RAB28: variants seen among roughly 807,000 people sequenced by gnomAD.
RAB28 encodes ras-related protein Rab-28.
A neutral mutation model predicts 31.7 loss-of-function variants in RAB28; 24 were observed. That is an observed-to-expected ratio of 0.76 (90% confidence interval 0.55 to 1.06). The LOEUF (loss-of-function observed/expected upper bound fraction) is 1.06. RAB28 is among the 50% of genes least tolerant of loss of function. RAB28 has a pLI of 0.00. For missense variants in RAB28, 254 were observed against 258.5 expected (o/e 0.98, Z 0.12); for synonymous variants, 100 against 90.4 (o/e 1.11, Z -0.60).
At chr4:13,448,355 C>T (rs779355885) in intron 4 of RAB28, among the ~76,000 whole-genome samples, 3 of 151,902 alleles carry the variant, frequency 2.0e-5, no homozygotes, top group Non-Finnish European at 4.4e-5. Context: ...CTTTTATTAG[C>T]ATTTAATAAA....
At chr4:13,437,850 T>C (rs182980774) in intron 4 of RAB28, among the ~76,000 whole-genome samples, 128 of 152,290 alleles carry the variant, frequency 8.4e-4, no homozygotes, top group African/African-American at 2.8e-3. Context: ...CTACTGACTA[T>C]CTACACAAAG....
At chr4:13,374,161 T>C (rs528603861) in intron 6 of RAB28, among the ~76,000 whole-genome samples, 1 of 152,208 alleles carries the variant, frequency 6.6e-6, no homozygotes, top group East Asian at 1.9e-4. Flanking sequence ...GACAAACATA[T>C]AGAAGAGTGC....
At chr4:13,473,857 C>A in intron 3 of RAB28, 1 of 367,948 alleles carries the variant, frequency 2.7e-6, no homozygotes, top group South Asian at 2.0e-5. Context: ...ATAGAAAATA[C>A]AGACATGTCT....
At chr4:13,391,456 G>T (rs1466954629) in intron 4 of RAB28, among the ~76,000 whole-genome samples, 1 of 152,178 alleles carries the variant, frequency 6.6e-6, no homozygotes, top group Non-Finnish European at 1.5e-5. Flanking sequence ...CGCTGTTGGT[G>T]GGAATGCAAA....
intron 4 of RAB28, among the ~76,000 whole-genome samples, chr4:13,407,657 A>C (rs1389447685): frequency 6.6e-6 from 1 of 152,112 alleles, no homozygotes; most frequent in Non-Finnish European, 1.5e-5. Flanking sequence ...ATGTTTTTCC[A>C]TTTGTTTGTG....
chr4:13,390,799 T>C (rs1033202259), intron 4 of RAB28, among the ~76,000 whole-genome samples: 5 of 152,088 alleles, frequency 3.3e-5, no homozygotes, highest in African/African-American at 7.2e-5. Context: ...AAACAAGCAA[T>C]GGGGAAAGGA....
rs186246850 is a variant in RAB28, at chr4:13,464,365, A to T, written c.262-3537T>A. 3.3e-5 allele frequency among the ~76,000 whole-genome samples: 5 copies of T among 152,230 alleles called. No homozygotes were observed. In the East Asian group the frequency reaches 9.7e-4, roughly 29 times the overall value. ...CTGCAGAATAAATGGCTTAATCAGA[A>T]CATTGTATTCCATCTGGAAAGGGAA... On this transcript the variant is annotated intron_variant, in intron 3 of 6. Coordinates refer to ENST00000330852, the MANE Select transcript of RAB28 (RefSeq NM_001017979.3).
chr4:13,479,078 C>G (rs757384362), intron 2 of RAB28, among the ~76,000 whole-genome samples: 14 of 151,724 alleles, frequency 9.2e-5, no homozygotes, highest in Non-Finnish European at 2.1e-4. Context: ...AAAAAATAAT[C>G]CTTCCCAATC....
At chr4:13,461,358 G>A (rs9291613) in intron 3 of RAB28, among the ~76,000 whole-genome samples, 2,553 of 152,256 alleles carry the variant, frequency 0.017, 68 homozygotes, top group African/African-American at 0.058. Flanking sequence ...TGCATTTGGA[G>A]AACTTGAGAG....
intron 2 of RAB28, among the ~76,000 whole-genome samples, chr4:13,477,491 A>G (rs1326327903): frequency 6.6e-6 from 1 of 151,632 alleles, no homozygotes; most frequent in African/African-American, 2.4e-5. Flanking sequence ...TGTACATTAA[A>G]GTATATAAAG....
At chr4:13,437,340 C>A (rs1371096097) in intron 4 of RAB28, among the ~76,000 whole-genome samples, 1 of 151,980 alleles carries the variant, frequency 6.6e-6, no homozygotes, top group African/African-American at 2.4e-5. Context: ...AAAGCAAGTG[C>A]AACAAAAACA....
intron 4 of RAB28, among the ~76,000 whole-genome samples, chr4:13,419,280 G>T (rs568961584): frequency 4.3e-4 from 66 of 152,114 alleles, no homozygotes; most frequent in Non-Finnish European, 7.8e-4. Context: ...AAGAGACTTA[G>T]ACTACCACAC....
chr4:13,459,978 T>C (rs1389325849), intron 4 of RAB28: 17 of 1,152,406 alleles, frequency 1.5e-5, no homozygotes, highest in Middle Eastern at 2.2e-4. Flanking sequence ...TTCACAGGAA[T>C]TGACCAAAGC....
At chr4:13,456,481 GCTT>G in intron 4 of RAB28, among the ~76,000 whole-genome samples, 1 of 152,144 alleles carries the variant, frequency 6.6e-6, no homozygotes, top group East Asian at 1.9e-4. Flanking sequence ...CTTTAAATCA[GCTT>G]TATCCAACAT....
chr4:13,442,731 C>T (rs73231505), intron 4 of RAB28, among the ~76,000 whole-genome samples: 2,087 of 152,160 alleles, frequency 0.014, 23 homozygotes, highest in Middle Eastern at 0.041. Flanking sequence ...ACATATAGCA[C>T]TATTATATAA....
intron 4 of RAB28, among the ~76,000 whole-genome samples, chr4:13,392,890 A>G (rs16888627): frequency 0.094 from 14,271 of 152,218 alleles, 1,318 homozygotes; most frequent in African/African-American, 0.24. Flanking sequence ...TATAAAATGA[A>G]AACAATAACA....
Position 13,471,571 on chromosome 4 carries a change from A to C in RAB28, c.261+2747T>G, listed in dbSNP as rs115870100. Among the ~76,000 whole-genome samples the C allele has an allele frequency of 4.9e-3, 752 of 151,976 alleles. 3 individuals carry two copies. Among genetic ancestry groups the C allele is most frequent in the African/African-American group, 0.017 (715 of 41,464 alleles). On this transcript the variant is annotated intron_variant, in intron 3 of 6. Coordinates refer to ENST00000330852, the MANE Select transcript of RAB28 (RefSeq NM_001017979.3). ...GGCTGGAGTAAAGTGGCATGATCAT[A>C]GCTCACTCCAGCCCCAAACTCCTGG... is the stretch of plus-strand genomic sequence containing the variant.
At chr4:13,371,252 T>C in intron 6 of RAB28, 8 of 985,384 alleles carry the variant, frequency 8.1e-6, no homozygotes, top group Non-Finnish European at 9.6e-6. Context: ...CTCTGCCTGA[T>C]GCTATCAACA....
At chr4:13,467,204 G>C (rs972291461) in intron 3 of RAB28, among the ~76,000 whole-genome samples, 9 of 151,820 alleles carry the variant, frequency 5.9e-5, no homozygotes, top group African/African-American at 2.2e-4. Flanking sequence ...ATAAGTACTT[G>C]AGATAATGAA....
Sources: gnomAD v4.1 joint callset for allele counts (sites outside exome capture counted in the v4.1 genomes callset) on GRCh38, gnomAD v4.1.1 for gene constraint, MANE v1.5 for transcripts, NCBI Gene and HGNC (gene_info 2026-07-23, HGNC 2026-07-21) for gene names.